Variants in PDE7B observed in about 807,000 individuals in gnomAD.
The protein encoded by PDE7B is phosphodiesterase 7B, also known as 3',5'-cyclic-AMP phosphodiesterase 7B.
In PDE7B, 29 loss-of-function variants were observed where a neutral mutation model predicts 56.2. The ratio of observed to expected loss-of-function variants is 0.52; its 90% confidence interval spans 0.38 to 0.70. PDE7B has a LOEUF of 0.70. PDE7B is among the 30% of genes least tolerant of loss of function. The probability of loss-of-function intolerance (pLI) is 0.00; values close to 1 mark genes in which losing one functional copy is unlikely to be tolerated. For missense variants in PDE7B, 490 were observed against 565.0 expected (o/e 0.87, Z 1.35); for synonymous variants, 197 against 196.9 (o/e 1.00, Z 0.00).
chr6:135,905,683 A>G (rs1776086965), intron 1 of PDE7B, among the ~76,000 whole-genome samples: 1 of 152,130 alleles, frequency 6.6e-6, no homozygotes, highest in East Asian at 1.9e-4. Flanking sequence ...CAGTCAGCCG[A>G]GCACAGCCCG....
At chr6:136,053,678 T>G (rs1288927936) in intron 2 of PDE7B, among the ~76,000 whole-genome samples, 5 of 152,090 alleles carry the variant, frequency 3.3e-5, no homozygotes, top group Admixed American at 6.6e-5. Flanking sequence ...CCCACCAACA[T>G]TGTAAAAGTG....
chr6:135,894,992 G>A (rs1775872768), intron 1 of PDE7B, among the ~76,000 whole-genome samples: 1 of 151,948 alleles, frequency 6.6e-6, no homozygotes, highest in South Asian at 2.1e-4. Context: ...TATTAAATGT[G>A]CTAAAAAGGG....
At chr6:136,177,513 A>G (rs966760881) in intron 9 of PDE7B, among the ~76,000 whole-genome samples, 1 of 152,208 alleles carries the variant, frequency 6.6e-6, no homozygotes, top group Non-Finnish European at 1.5e-5. Flanking sequence ...TTCACAAAAG[A>G]AGTACAAATG....
chr6:136,015,490 G>T (rs941455267), intron 2 of PDE7B, among the ~76,000 whole-genome samples: 3 of 152,114 alleles, frequency 2.0e-5, no homozygotes, highest in Non-Finnish European at 4.4e-5. Flanking sequence ...CCTTTGAAAA[G>T]GTGGAGCCCA....
chr6:136,170,029 G>A (rs1361114378), intron 8 of PDE7B, among the ~76,000 whole-genome samples: 2 of 152,170 alleles, frequency 1.3e-5, no homozygotes, highest in Non-Finnish European at 2.9e-5. Context: ...ATAAATGAGT[G>A]TGTGGTTTTA....
At chr6:135,946,181 G>A (rs1391265685) in intron 1 of PDE7B, among the ~76,000 whole-genome samples, 2 of 151,098 alleles carry the variant, frequency 1.3e-5, no homozygotes, top group Non-Finnish European at 3.0e-5. Context: ...ATACTTTTAT[G>A]TTTTAAACAT....
chr6:135,915,167 G>A (rs929052809), intron 1 of PDE7B, among the ~76,000 whole-genome samples: 1 of 151,656 alleles, frequency 6.6e-6, no homozygotes, highest in African/African-American at 2.4e-5. Context: ...ATTCTAATGT[G>A]TGTATACCAA....
At chr6:136,054,500 C>G (rs1776693524) in intron 2 of PDE7B, among the ~76,000 whole-genome samples, 1 of 152,140 alleles carries the variant, frequency 6.6e-6, no homozygotes, top group Non-Finnish European at 1.5e-5. Context: ...ATGCCTCCAG[C>G]TTTGTTCTTT....
chr6:136,159,478 G>C (rs1301670132), intron 8 of PDE7B, among the ~76,000 whole-genome samples: 2 of 152,182 alleles, frequency 1.3e-5, no homozygotes, highest in African/African-American at 4.8e-5. Context: ...ACAAACAAGA[G>C]AAAGACATCT....
At chr6:136,092,135 CA>C (rs1189447841) in intron 2 of PDE7B, among the ~76,000 whole-genome samples, 1 of 152,130 alleles carries the variant, frequency 6.6e-6, no homozygotes, top group African/African-American at 2.4e-5. Context: ...ATGAGTATAA[CA>C]GACTTAGAAT....
At position 135,911,181 on chromosome 6, in the gene PDE7B, T is replaced by C. The variant is rs565747376; in HGVS notation, c.22-36283T>C. Among the ~76,000 whole-genome samples, 5 of 152,376 alleles carry C rather than the reference T, an allele frequency of 3.3e-5. 1 individual carries two copies. The South Asian group carries it at 1.0e-3, about 32-fold the overall frequency. On this transcript the variant is annotated intron_variant, in intron 1 of 12. Coordinates refer to ENST00000308191, the MANE Select transcript of PDE7B (RefSeq NM_018945.4). ...ATTTACAAGAAGGCTGGGAGAGCTC[T>C]AATTAACTCATAAGCTGTCCCTATG...
intron 1 of PDE7B, among the ~76,000 whole-genome samples, chr6:135,891,483 C>A (rs1331537448): frequency 6.6e-6 from 1 of 152,150 alleles, no homozygotes; most frequent in Non-Finnish European, 1.5e-5. Flanking sequence ...ACAAGGCAAC[C>A]TTCAGGAGCA....
At position 135,915,571 on chromosome 6, in the gene PDE7B, C is replaced by T. The variant is rs531742932; in HGVS notation, c.22-31893C>T. On this transcript the variant is annotated intron_variant, in intron 1 of 12. Transcript: ENST00000308191. ...AATAGACCTTTTGGGGGGTATAATT[C>T]GTATACTGTACAATGTTCTCATGTG... Among the ~76,000 whole-genome samples the T allele has an allele frequency of 4.6e-5, 7 of 151,998 alleles. No homozygotes were observed. In the South Asian group the frequency reaches 6.2e-4, roughly 14 times the overall value.
intron 3 of PDE7B, among the ~76,000 whole-genome samples, chr6:136,135,133 G>A (rs555318159): frequency 1.3e-5 from 2 of 152,190 alleles, no homozygotes; most frequent in South Asian, 4.1e-4. Flanking sequence ...GTACACAGAA[G>A]AGCTAATGAC....
At chr6:136,080,640 A>G (rs1777191663) in intron 2 of PDE7B, among the ~76,000 whole-genome samples, 1 of 152,164 alleles carries the variant, frequency 6.6e-6, no homozygotes, top group African/African-American at 2.4e-5. Context: ...CGACATGGAG[A>G]TCTATCCACT....
chr6:135,936,907 A>G (rs1046388459), intron 1 of PDE7B, among the ~76,000 whole-genome samples: 1 of 152,158 alleles, frequency 6.6e-6, no homozygotes, highest in African/African-American at 2.4e-5. Context: ...TCTGTGATCT[A>G]TGCTTCATAA....
chr6:135,946,029 C>T (rs1774590346), intron 1 of PDE7B, among the ~76,000 whole-genome samples: 1 of 152,016 alleles, frequency 6.6e-6, no homozygotes, highest in African/African-American at 2.4e-5. Context: ...ACATTTCTTC[C>T]CCCTACCCTA....
chr6:135,964,625 C>A (rs1774961470), intron 2 of PDE7B, among the ~76,000 whole-genome samples: 1 of 152,102 alleles, frequency 6.6e-6, no homozygotes, highest in Non-Finnish European at 1.5e-5. Flanking sequence ...CCTGGATAAT[C>A]TAGAGCGTAT....
intron 9 of PDE7B, among the ~76,000 whole-genome samples, chr6:136,174,591 G>A (rs189119049): frequency 6.6e-6 from 1 of 152,260 alleles, no homozygotes; most frequent in Admixed American, 6.5e-5. Context: ...ATGAACACGT[G>A]CAGAACCCAA....
Sources: allele counts gnomAD v4.1 joint callset (sites outside exome capture counted in the v4.1 genomes callset), GRCh38; gene constraint gnomAD v4.1.1; transcripts MANE v1.5; gene names NCBI Gene and HGNC (gene_info 2026-07-23, HGNC 2026-07-21).